The following FSTL5 variants were observed in gnomAD, a reference collection of about 807,000 sequenced individuals.
FSTL5 encodes follistatin like 5.
A neutral mutation model predicts 89.1 loss-of-function variants in FSTL5; 62 were observed. That is an observed-to-expected ratio of 0.70 (90% CI 0.57 to 0.86). The LOEUF is 0.86. Among genes scored for constraint, FSTL5 ranks in the 40% least tolerant of loss-of-function variants. The pLI, the probability that FSTL5 is intolerant of heterozygous loss-of-function variation, is 0.00. For missense variants in FSTL5, 1,057 were observed against 1,001.6 expected (o/e 1.06, Z -0.75); for synonymous variants, 383 against 346.2 (o/e 1.11, Z -1.18).
chr4:161,415,831 T>G lies in FSTL5; in HGVS notation c.1842-29382A>C, dbSNP rs982188047. 1.0e-4 allele frequency among the ~76,000 whole-genome samples: 15 copies of G among 146,062 alleles called. No individual in the cohort carries two copies. The South Asian group carries it at 2.6e-3, about 25-fold the overall frequency. On this transcript the variant is annotated intron_variant, in intron 15 of 15. Transcript: ENST00000306100. ...ATCATACATATAGGGGATATATATA[T>G]ATATATATATATATATATCATTTCA...
chr4:161,883,093 A>G (rs1414831768), intron 4 of FSTL5, among the ~76,000 whole-genome samples: 4 of 152,204 alleles, frequency 2.6e-5, no homozygotes, highest in African/African-American at 9.6e-5. Context: ...GAAACCATAT[A>G]GTATTCTGGG....
At chr4:161,470,761 T>C (rs775584227) in intron 13 of FSTL5, among the ~76,000 whole-genome samples, 6 of 152,186 alleles carry the variant, frequency 3.9e-5, no homozygotes, top group Non-Finnish European at 7.4e-5. Context: ...TCTCCTTTAA[T>C]TTCTTTCAGC....
At chr4:161,980,104 G>T (rs1197301538) in intron 3 of FSTL5, among the ~76,000 whole-genome samples, 2 of 125,490 alleles carry the variant, frequency 1.6e-5, no homozygotes, top group African/African-American at 6.6e-5. Context: ...AAAAGAAAGA[G>T]GAAGGAAGGA....
intron 6 of FSTL5, among the ~76,000 whole-genome samples, chr4:161,666,448 T>C (rs950297431): frequency 6.6e-6 from 1 of 152,100 alleles, no homozygotes; most frequent in South Asian, 2.1e-4. Flanking sequence ...AGAGTGTAAA[T>C]GTATACATAA....
intron 2 of FSTL5, among the ~76,000 whole-genome samples, chr4:162,052,007 T>C (rs958356072): frequency 4.6e-5 from 7 of 151,586 alleles, no homozygotes; most frequent in African/African-American, 1.7e-4. Context: ...GAATTTGTTG[T>C]CATTAGCATT....
intron 3 of FSTL5, among the ~76,000 whole-genome samples, chr4:161,989,239 C>T (rs1405956433): frequency 6.6e-6 from 1 of 152,084 alleles, no homozygotes; most frequent in Admixed American, 6.6e-5. Flanking sequence ...TTGCAATTGA[C>T]TTCTCAAAAA....
chr4:161,392,008 G>T (rs540851271), intron 15 of FSTL5, among the ~76,000 whole-genome samples: 1 of 152,136 alleles, frequency 6.6e-6, no homozygotes, highest in African/African-American at 2.4e-5. Context: ...AAACTAGAAT[G>T]TGCTTCTAAA....
chr4:161,871,488 G>A (rs1355105378), intron 4 of FSTL5, among the ~76,000 whole-genome samples: 1 of 151,960 alleles, frequency 6.6e-6, no homozygotes, highest in African/African-American at 2.4e-5. Context: ...TTTTCAAAAA[G>A]CAACCCGGCA....
chr4:161,579,737 AAAAAAAAGAAAG>A (rs1733361696), intron 8 of FSTL5, among the ~76,000 whole-genome samples: 2 of 104,388 alleles, frequency 1.9e-5, no homozygotes, highest in African/African-American at 6.0e-5. Flanking sequence ...CAAACAAAAA[AAAAAAAAGAAAG>A]AAAAAGAAAA....
intron 2 of FSTL5, among the ~76,000 whole-genome samples, chr4:162,044,919 G>A (rs1364043163): frequency 6.6e-6 from 1 of 152,126 alleles, no homozygotes; most frequent in Middle Eastern, 3.2e-3. Context: ...TTATGCTTTG[G>A]CTTGGGGGGA....
At chr4:161,637,939 C>T (rs1202696790) in intron 7 of FSTL5, among the ~76,000 whole-genome samples, 15 of 147,578 alleles carry the variant, frequency 1.0e-4, no homozygotes, top group East Asian at 2.0e-4. Context: ...ATTGACTTGG[C>T]GATGCGGGCT....
chr4:161,516,285 G>A (rs1040194599), intron 10 of FSTL5, among the ~76,000 whole-genome samples: 2 of 148,618 alleles, frequency 1.3e-5, no homozygotes, highest in Admixed American at 1.3e-4. Context: ...TATTGGAATG[G>A]CTTAGTTTCA....
Position 162,033,602 on chromosome 4 carries a change from A to G in FSTL5, c.160+23T>C, listed in dbSNP as rs1440648925. ...TCTGTTATGAACTTATATAATTGTT[A>G]TCTTAAAGCAATCATTTCTTACCTT... On this transcript the variant is annotated intron_variant, in intron 3 of 15. Transcript: ENST00000306100. The G allele has an allele frequency of 6.0e-6, 8 of 1,330,154 alleles. No homozygotes were observed. The African/African-American group carries it at 8.9e-5, about 15-fold the overall frequency. 82.4% of individuals were successfully genotyped at this position (1,330,154 alleles called of 1,614,324 possible).
In FSTL5 at chr4:161,865,717, T is replaced by A. The variant is rs183345869; in HGVS notation, c.409+54687A>T. ...AATTACAGTGAAAAAAATAGGCTGG[T>A]TTGACCTGTCAGGCTGCATATTCTC... On this transcript the variant is annotated intron_variant, in intron 4 of 15. Coordinates refer to ENST00000306100, the MANE Select transcript of FSTL5 (RefSeq NM_020116.5). Among the ~76,000 whole-genome samples the A allele has an allele frequency of 3.2e-3, 491 of 152,294 alleles. 4 individuals carry two copies. Among genetic ancestry groups the A allele is most frequent in the African/African-American group, 0.011 (471 of 41,570 alleles).
chr4:161,720,370 T>C (rs1357948098), intron 6 of FSTL5, among the ~76,000 whole-genome samples: 1 of 152,164 alleles, frequency 6.6e-6, no homozygotes, highest in East Asian at 1.9e-4. Context: ...TAATGAGTGT[T>C]GGCAAGGATA....
intron 3 of FSTL5, among the ~76,000 whole-genome samples, chr4:161,993,482 A>T (rs1736196894): frequency 6.6e-6 from 1 of 152,134 alleles, no homozygotes; most frequent in Non-Finnish European, 1.5e-5. Context: ...TAAATTACTC[A>T]ACAGTAAATG....
chr4:161,941,066 A>G (rs1434639363), intron 3 of FSTL5, among the ~76,000 whole-genome samples: 1 of 151,882 alleles, frequency 6.6e-6, no homozygotes, highest in African/African-American at 2.4e-5. Context: ...TATACTATTA[A>G]GGCTATGATG....
intron 15 of FSTL5, among the ~76,000 whole-genome samples, chr4:161,452,475 CAA>C (rs35025996): frequency 3.1e-5 from 4 of 130,690 alleles, no homozygotes; most frequent in South Asian, 2.3e-4. Context: ...GACTCTGTCT[CAA>C]AAAAAAAAAA....
chr4:162,083,121 A>C (rs987666106), intron 2 of FSTL5, among the ~76,000 whole-genome samples: 1 of 151,756 alleles, frequency 6.6e-6, no homozygotes, highest in African/African-American at 2.4e-5. Context: ...AAGAATATTC[A>C]TGCCAGAGAC....
Sources: allele counts gnomAD v4.1 joint callset (sites outside exome capture counted in the v4.1 genomes callset), GRCh38; gene constraint gnomAD v4.1.1; transcripts MANE v1.5; gene names NCBI Gene and HGNC (gene_info 2026-07-23, HGNC 2026-07-21).